HDAC9: variants seen among roughly 807,000 people sequenced by gnomAD.
The protein encoded by HDAC9 is histone deacetylase 9, also known as MEF-2 interacting transcription repressor (MITR) protein.
A neutral mutation model predicts 139.4 loss-of-function variants in HDAC9; 41 were observed. The ratio of observed to expected loss-of-function variants is 0.29; its 90% confidence interval spans 0.23 to 0.38. HDAC9 has a LOEUF of 0.38. Among genes scored for constraint, HDAC9 ranks in the 10% least tolerant of loss-of-function variants. The pLI, the probability that HDAC9 is intolerant of heterozygous loss-of-function variation, is 1.00. For synonymous variants in HDAC9, 517 were observed against 476.2 expected (o/e 1.09, Z -1.12); for missense variants, 1,147 against 1,297.0 (o/e 0.88, Z 1.78).
chr7:18,747,942 G>A (rs1246501443), intron 13 of HDAC9, among the ~76,000 whole-genome samples: 1 of 152,070 alleles, frequency 6.6e-6, no homozygotes, highest in African/African-American at 2.4e-5. Flanking sequence ...ATAAATTACT[G>A]GTGCTTATCT....
At chr7:18,387,754 G>A (rs762415015) in intron 1 of HDAC9, among the ~76,000 whole-genome samples, 6 of 152,130 alleles carry the variant, frequency 3.9e-5, no homozygotes, top group Admixed American at 6.5e-5. Context: ...AGGGATAAGC[G>A]AATAAAACAT....
chr7:18,814,843 T>A (rs1314929246), intron 17 of HDAC9, among the ~76,000 whole-genome samples: 1 of 152,162 alleles, frequency 6.6e-6, no homozygotes, highest in Non-Finnish European at 1.5e-5. Flanking sequence ...AAAACTAAAA[T>A]CATCTATCCA....
chr7:18,578,237 G>A (rs779012761), intron 2 of HDAC9: 4 of 518,904 alleles, frequency 7.7e-6, no homozygotes, highest in Non-Finnish European at 1.5e-5. Context: ...CAGTAGTGCA[G>A]CCCTAATTCA....
In HDAC9 at chr7:18,211,674, TGGTTATGTATGCAGCAAACACTTTTGA is replaced by T. The variant is rs1791947812; in HGVS notation, c.25+49327_25+49353del. Among the ~76,000 whole-genome samples the T allele has an allele frequency of 3.9e-5, 6 of 152,282 alleles. No homozygotes were observed. The South Asian group carries it at 8.3e-4, about 21-fold the overall frequency. Reference sequence around the variant, plus strand: ...CTGTGCCTGGATAGAATGACTTTTGTGGTTATGTATGCAGCAAACACTTTTGAGTGCTGGTCATTTCCCTAAGCTCTG... The same window carrying T: ...CTGTGCCTGGATAGAATGACTTTTGTGTGCTGGTCATTTCCCTAAGCTCTG... On this transcript the variant is annotated intron_variant, in intron 2 of 12. Transcript: ENST00000417496.
intron 2 of HDAC9, among the ~76,000 whole-genome samples, chr7:18,199,910 A>C (rs1259211672): frequency 6.6e-6 from 1 of 152,028 alleles, no homozygotes; most frequent in African/African-American, 2.4e-5. Context: ...AGCTTGGGGG[A>C]CAGAGTAAGA....
intron 17 of HDAC9, among the ~76,000 whole-genome samples, chr7:18,826,305 G>A (rs144796828): frequency 6.6e-6 from 1 of 152,316 alleles, no homozygotes; most frequent in African/African-American, 2.4e-5. Context: ...AGGCAGGTTT[G>A]TGAGGTATGA....
chr7:18,324,198 T>C (rs1800258484), intron 1 of HDAC9, among the ~76,000 whole-genome samples: 1 of 152,050 alleles, frequency 6.6e-6, no homozygotes, highest in Non-Finnish European at 1.5e-5. Flanking sequence ...TTCTGGACTT[T>C]GAAGGATGAG....
chr7:18,647,904 T>C lies in HDAC9; in HGVS notation c.1155T>C (p.Thr385=), dbSNP rs1452555723. The C allele has an allele frequency of 1.2e-6, 2 of 1,612,856 alleles. No homozygotes were observed. Among genetic ancestry groups the C allele is most frequent in the African/African-American group, 1.3e-5 (1 of 74,914 alleles). ...IPASSSHPHV[T]LEGKPPNSSH... ...CATCTTCCAGCCACCCTCATGTTAC[T>C]TTAGAGGGAAAGCCACCCAACAGCA... The change falls in exon 10 of 26, where the codon ACT becomes ACC. Residue 385 remains threonine, a synonymous_variant. Transcript: ENST00000686413.
intron 2 of HDAC9, among the ~76,000 whole-genome samples, chr7:18,183,750 G>A (rs1789687995): frequency 6.6e-6 from 1 of 152,146 alleles, no homozygotes; most frequent in Admixed American, 6.5e-5. Context: ...CTCCCAAAGT[G>A]TTGTGATTAC....
intron 13 of HDAC9, among the ~76,000 whole-genome samples, chr7:18,738,193 T>C (rs1787105827): frequency 6.6e-6 from 1 of 152,226 alleles, no homozygotes; most frequent in African/African-American, 2.4e-5. Flanking sequence ...AGCACACTGA[T>C]GGATCTTGAC....
intron 24 of HDAC9, among the ~76,000 whole-genome samples, chr7:18,971,941 A>G (rs1375461941): frequency 6.6e-6 from 1 of 152,210 alleles, no homozygotes; most frequent in Non-Finnish European, 1.5e-5. Context: ...ACTGCTATTA[A>G]CCATGCATAC....
intron 25 of HDAC9, among the ~76,000 whole-genome samples, chr7:18,991,891 C>G (rs1398520107): frequency 6.6e-6 from 1 of 152,110 alleles, no homozygotes; most frequent in Non-Finnish European, 1.5e-5. Flanking sequence ...TCTATGAGAG[C>G]AGGGATGTTT....
intron 2 of HDAC9, among the ~76,000 whole-genome samples, chr7:18,167,193 AT>A (rs57125526): frequency 0.13 from 18,811 of 142,822 alleles, 1,881 homozygotes; most frequent in African/African-American, 0.3. Context: ...ATTGTTTTGG[AT>A]TTTTTTTTTT....
At chr7:18,235,842 A>T (rs1793777458) in intron 2 of HDAC9, among the ~76,000 whole-genome samples, 1 of 152,220 alleles carries the variant, frequency 6.6e-6, no homozygotes, top group African/African-American at 2.4e-5. Context: ...TCTTCACTGT[A>T]TACTGGATCA....
At chr7:18,159,997 C>T (rs541803744) in intron 1 of HDAC9, among the ~76,000 whole-genome samples, 68 of 152,254 alleles carry the variant, frequency 4.5e-4, no homozygotes, top group African/African-American at 1.5e-3. Flanking sequence ...ATTACATGCC[C>T]AGCCACAAAT....
intron 1 of HDAC9, among the ~76,000 whole-genome samples, chr7:18,123,103 T>C (rs957062410): frequency 3.9e-5 from 6 of 152,240 alleles, no homozygotes; most frequent in African/African-American, 1.2e-4. Context: ...CTATTTAATT[T>C]GTAAAGTAAT....
intron 1 of HDAC9, among the ~76,000 whole-genome samples, chr7:18,389,176 A>T (rs528322478): frequency 2.0e-5 from 3 of 152,300 alleles, no homozygotes; most frequent in African/African-American, 7.2e-5. Flanking sequence ...TTTGGCCACT[A>T]AGCTAATACT....
intron 1 of HDAC9, among the ~76,000 whole-genome samples, chr7:18,419,612 A>G (rs1789431319): frequency 6.6e-6 from 1 of 152,340 alleles, no homozygotes; most frequent in South Asian, 2.1e-4. Flanking sequence ...GTTATTATAC[A>G]GAACTCTTTA....
chr7:18,495,057 A>G (rs1309874967), upstream of HDAC9, among the ~76,000 whole-genome samples: 5 of 152,098 alleles, frequency 3.3e-5, no homozygotes, highest in African/African-American at 1.2e-4. Context: ...TGTCTTGCAT[A>G]AATAGCAAGT....
Sources: allele counts gnomAD v4.1 joint callset (sites outside exome capture counted in the v4.1 genomes callset), GRCh38; gene constraint gnomAD v4.1.1; transcripts MANE v1.5; gene names NCBI Gene and HGNC (gene_info 2026-07-23, HGNC 2026-07-21).